The following RUNX1T1 variants were observed in gnomAD, a reference collection of about 807,000 sequenced individuals.
The protein encoded by RUNX1T1 is protein CBFA2T1.
A neutral mutation model predicts 62.8 loss-of-function variants in RUNX1T1; 4 were observed. That is an observed-to-expected ratio of 0.06 (90% CI 0.03 to 0.15). The LOEUF (loss-of-function observed/expected upper bound fraction) is 0.15, where lower values mean the gene tolerates loss of function less well. Ranked by LOEUF, RUNX1T1 falls within the 10% of genes least tolerant of loss-of-function variation. The pLI is 1.00. For synonymous variants in RUNX1T1, 291 were observed against 286.0 expected (o/e 1.02, Z -0.18); for missense variants, 508 against 754.3 (o/e 0.67, Z 3.82).
chr8:92,030,995 G>A (rs1046363122), intron 1 of RUNX1T1, among the ~76,000 whole-genome samples: 32 of 152,170 alleles, frequency 2.1e-4, no homozygotes, highest in African/African-American at 7.5e-4. Context: ...GTTATATGTG[G>A]AACCAAACCT....
intron 4 of RUNX1T1, 35 bp from the exon 6 acceptor site, chr8:92,005,332 GA>G: frequency 1.9e-6 from 3 of 1,591,244 alleles, no homozygotes; most frequent in Non-Finnish European, 2.6e-6. Flanking sequence ...AGGACGGACT[GA>G]AAGTTTTCTT....
intron 1 of RUNX1T1, among the ~76,000 whole-genome samples, chr8:92,022,255 A>G (rs1824259718): frequency 6.6e-6 from 1 of 152,146 alleles, no homozygotes; most frequent in African/African-American, 2.4e-5. Context: ...TCATGGTAAA[A>G]GACAAACACA....
chr8:91,974,393 G>A (rs1053666507), intron 9 of RUNX1T1, among the ~76,000 whole-genome samples: 30 of 151,910 alleles, frequency 2.0e-4, no homozygotes, highest in Admixed American at 1.4e-3. Flanking sequence ...AAAAGAATTC[G>A]GATTACACAA....
chr8:92,060,539 A>ATGTG (rs1465445651), intron 1 of RUNX1T1, among the ~76,000 whole-genome samples: 6 of 115,396 alleles, frequency 5.2e-5, no homozygotes, highest in African/African-American at 1.7e-4. Context: ...ATATATATAT[A>ATGTG]TATATATATA....
intron 9 of RUNX1T1, among the ~76,000 whole-genome samples, chr8:91,972,216 C>T (rs993554734): frequency 1.3e-5 from 2 of 151,990 alleles, no homozygotes; most frequent in African/African-American, 4.8e-5. Flanking sequence ...TTCTTCAATT[C>T]CTCTGGTTTA....
intron 1 of RUNX1T1, among the ~76,000 whole-genome samples, chr8:92,062,229 A>G (rs1832151245): frequency 6.6e-6 from 1 of 152,190 alleles, no homozygotes; most frequent in Admixed American, 6.5e-5. Flanking sequence ...CTGAACAGAA[A>G]CAATACTTCT....
chr8:92,064,218 G>T (rs1393535945), upstream of RUNX1T1, among the ~76,000 whole-genome samples: 5 of 152,086 alleles, frequency 3.3e-5, no homozygotes, highest in Non-Finnish European at 7.4e-5. Flanking sequence ...CAATCAATAA[G>T]AACTTCTACA....
intron 3 of RUNX1T1, among the ~76,000 whole-genome samples, chr8:92,013,229 A>C (rs1321382337): frequency 6.6e-6 from 1 of 152,256 alleles, no homozygotes; most frequent in Non-Finnish European, 1.5e-5. Context: ...AGTGACTGAC[A>C]AAAGTATCTG....
intron 1 of RUNX1T1, among the ~76,000 whole-genome samples, chr8:92,034,813 C>CATATATATAT (rs1563811239): frequency 5.2e-5 from 6 of 114,476 alleles, no homozygotes; most frequent in South Asian, 5.4e-4. Context: ...CACACACACA[C>CATATATATAT]ACACACACAC....
At chr8:92,013,102 C>G (rs549038655) in intron 3 of RUNX1T1, among the ~76,000 whole-genome samples, 4 of 151,988 alleles carry the variant, frequency 2.6e-5, no homozygotes, top group Non-Finnish European at 5.9e-5. Flanking sequence ...AACACATTCA[C>G]CATTTACTTG....
downstream of RUNX1T1, chr8:91,957,362 C>T: frequency 4.4e-6 from 1 of 224,972 alleles, no homozygotes; most frequent in East Asian, 6.4e-5. Context: ...TTTTTGTTAG[C>T]TACTGGTGCA....
chr8:91,989,957 C>T (rs1817323493), intron 6 of RUNX1T1, among the ~76,000 whole-genome samples: 2 of 152,204 alleles, frequency 1.3e-5, no homozygotes, highest in African/African-American at 2.4e-5. Context: ...GTAGAAATTA[C>T]TGTTGTGGAG....
intron 2 of RUNX1T1, among the ~76,000 whole-genome samples, chr8:92,072,667 A>G (rs948145611): frequency 7.9e-5 from 12 of 152,230 alleles, no homozygotes; most frequent in Non-Finnish European, 1.5e-4. Context: ...AATTGATTTC[A>G]CGCATCACAC....
intron 1 of RUNX1T1, among the ~76,000 whole-genome samples, chr8:92,023,597 T>TC (rs1824548735): frequency 6.6e-6 from 1 of 152,224 alleles, no homozygotes; most frequent in African/African-American, 2.4e-5. Context: ...AGTCCAATTC[T>TC]CCCTCTTTAG....
intron 1 of RUNX1T1, among the ~76,000 whole-genome samples, chr8:92,021,333 G>A (rs1256147543): frequency 6.6e-6 from 1 of 152,088 alleles, no homozygotes; most frequent in African/African-American, 2.4e-5. Flanking sequence ...ATGCTATGTA[G>A]TGACTCCAAT....
chr8:91,991,845 T>C, exon 6 of RUNX1T1: 1 of 1,614,168 alleles, frequency 6.2e-7, no homozygotes, highest in Non-Finnish European at 8.5e-7. Context: ...CTTGCTTGGA[T>C]GTTCTGAGTG....
rs781368509 is a variant in RUNX1T1, at chr8:91,991,711, T to C, written c.838A>G (p.Ile280Val). The change falls in exon 6 of 11, where the codon ATT (isoleucine) becomes GTT (valine). Residue 280 changes from isoleucine (I) to valine (V), a missense_variant. By Grantham distance (29) the Ile-to-Val change is conservative. Coordinates refer to ENST00000396218, the Ensembl canonical transcript of RUNX1T1. ...TAGGAGTCCCTGTAGTGGTGGGCAA[T>C]GGCCATATCATCCAAACGGTAATGC... 7 of 1,614,074 alleles carry C rather than the reference T, an allele frequency of 4.3e-6. No individual in the cohort carries two copies. In the East Asian group the frequency reaches 1.3e-4, roughly 31 times the overall value.
chr8:91,975,423 C>T (rs1345729423), intron 9 of RUNX1T1, among the ~76,000 whole-genome samples: 3 of 151,096 alleles, frequency 2.0e-5, no homozygotes, highest in African/African-American at 7.3e-5. Context: ...CTTTAAAAGT[C>T]GATTGTAACC....
chr8:92,076,591 A>G (rs1440073082), intron 1 of RUNX1T1, among the ~76,000 whole-genome samples: 1 of 152,120 alleles, frequency 6.6e-6, no homozygotes, highest in Non-Finnish European at 1.5e-5. Context: ...TCATTATTCA[A>G]ATTTTGTTTC....
Sources: allele counts gnomAD v4.1 joint callset (sites outside exome capture counted in the v4.1 genomes callset), GRCh38; gene constraint gnomAD v4.1.1; transcripts MANE v1.5; gene names NCBI Gene and HGNC (gene_info 2026-07-23, HGNC 2026-07-21).